BRINP3: variants seen among roughly 807,000 people sequenced by gnomAD.
BRINP3 encodes BMP/retinoic acid inducible neural specific 3, also known as BMP/retinoic acid-inducible neural-specific protein 3.
BRINP3 carries 19 observed loss-of-function variants against 71.0 expected under a neutral mutation model. The observed-to-expected ratio is 0.27, with a 90% CI of 0.19 to 0.39. The LOEUF (loss-of-function observed/expected upper bound fraction) is 0.39. Ranked by LOEUF, BRINP3 falls within the 10% of genes least tolerant of loss-of-function variation. BRINP3 has a pLI of 1.00. For synonymous variants in BRINP3, 380 were observed against 337.7 expected (o/e 1.13, Z -1.37); for missense variants, 959 against 940.8 (o/e 1.02, Z -0.25).
intron 2 of BRINP3, among the ~76,000 whole-genome samples, chr1:190,323,860 G>C (rs903116872): frequency 6.6e-6 from 1 of 151,836 alleles, no homozygotes; most frequent in African/African-American, 2.4e-5. Context: ...TAAAGTCTTA[G>C]TCTTTTATTT....
chr1:190,454,612 T>C, intron 2 of BRINP3, 43 bp downstream of exon 2: 1 of 1,538,514 alleles, frequency 6.5e-7, no homozygotes, highest in Non-Finnish European at 8.9e-7. Context: ...TACACAACCT[T>C]CAAGGATGAT....
Position 190,258,205 on chromosome 1 carries a change from C to A in BRINP3, c.618+6660G>T, listed in dbSNP as rs1328243678. On this transcript the variant is annotated intron_variant, in intron 4 of 7. Coordinates refer to ENST00000367462, the MANE Select transcript of BRINP3 (RefSeq NM_199051.3). ...GCCTCAGCAATGACGGACGCCCCTC[C>A]CCCTGCCAGGCTACTGCCTTGCAGG... Among the ~76,000 whole-genome samples, 7 of 152,292 alleles carry A rather than the reference C, an allele frequency of 4.6e-5. No individual in the cohort carries two copies. In the East Asian group the frequency reaches 1.2e-3, roughly 25 times the overall value.
chr1:190,223,285 T>G (rs1009524697), intron 6 of BRINP3, among the ~76,000 whole-genome samples: 1 of 151,874 alleles, frequency 6.6e-6, no homozygotes, highest in Non-Finnish European at 1.5e-5. Flanking sequence ...AACAAAACAC[T>G]AGCAAACCAA....
chr1:190,115,898 A>G (rs189745123), intron 7 of BRINP3, among the ~76,000 whole-genome samples: 12 of 152,288 alleles, frequency 7.9e-5, no homozygotes, highest in African/African-American at 2.4e-4. Context: ...AATGAAATTC[A>G]AAGTGTATAT....
chr1:190,380,609 T>C (rs1182998470), intron 2 of BRINP3, among the ~76,000 whole-genome samples: 1 of 152,126 alleles, frequency 6.6e-6, no homozygotes. Context: ...CAAGGAAACA[T>C]TGAAATGAAG....
At chr1:190,389,566 T>C (rs1671121568) in intron 2 of BRINP3, among the ~76,000 whole-genome samples, 1 of 151,808 alleles carries the variant, frequency 6.6e-6, no homozygotes, top group South Asian at 2.1e-4. Context: ...ATTTGGCCCG[T>C]AACATTGAAG....
In BRINP3 at chr1:190,209,112, G is replaced by A. The variant is rs183354179; in HGVS notation, c.961+16970C>T. Among the ~76,000 whole-genome samples the A allele has an allele frequency of 5.3e-5, 8 of 152,064 alleles. No homozygotes were observed. The East Asian group carries it at 1.2e-3, about 22-fold the overall frequency. ...AAACTTAAATTTTCATAATGTTACTGTTTTACTGAATAAATAAATTATAAT... is the reference window on the plus strand; with the variant it reads ...AAACTTAAATTTTCATAATGTTACTATTTTACTGAATAAATAAATTATAAT... On this transcript the variant is annotated intron_variant, in intron 6 of 7. Coordinates refer to ENST00000367462, the MANE Select transcript of BRINP3 (RefSeq NM_199051.3).
At chr1:190,108,766 T>C (rs767314100) in intron 7 of BRINP3, among the ~76,000 whole-genome samples, 11 of 151,544 alleles carry the variant, frequency 7.3e-5, no homozygotes, top group Non-Finnish European at 1.6e-4. Context: ...CTCACCTCAG[T>C]GACAAGACTT....
intron 2 of BRINP3, among the ~76,000 whole-genome samples, chr1:190,350,755 GCATT>G (rs1571829666): frequency 6.6e-6 from 1 of 151,346 alleles, no homozygotes; most frequent in African/African-American, 2.4e-5. Flanking sequence ...CCACCTGCCA[GCATT>G]CATTATGTTC....
In BRINP3 at chr1:190,098,794, C is replaced by G; in HGVS notation, c.1525G>C (p.Glu509Gln). Residue 509 changes from glutamate to glutamine, a missense_variant, in exon 8 of 8, where the codon GAA becomes CAA. Physicochemically the swap from Glu to Gln is conservative, Grantham distance 29. Transcript: ENST00000367462. ...TTGCTGATAAAAATGGCATGGACTT[C>G]TATTCGTCTGTCCGTTTTCTGCAGC... ...YLLQKTDRRIEVHAIFISNDM... is the reference protein window; with the variant it reads ...YLLQKTDRRIQVHAIFISNDM... The G allele has an allele frequency of 6.2e-7, 1 of 1,614,224 alleles. No individual in the cohort carries two copies. The highest frequency in any genetic ancestry group is 2.2e-5 in the East Asian group (1 of 44,874).
At chr1:190,184,033 T>C (rs754520472) in intron 6 of BRINP3, among the ~76,000 whole-genome samples, 1 of 152,078 alleles carries the variant, frequency 6.6e-6, no homozygotes, top group Non-Finnish European at 1.5e-5. Context: ...CTGGAGCATG[T>C]ACCATATATA....
intron 2 of BRINP3, among the ~76,000 whole-genome samples, chr1:190,347,119 A>C (rs2102021178): frequency 6.6e-6 from 1 of 152,190 alleles, no homozygotes; most frequent in African/African-American, 2.4e-5. Context: ...TATTTATCAA[A>C]GGCTTATAGA....
chr1:190,442,906 CTTT>C (rs757648847), intron 2 of BRINP3, among the ~76,000 whole-genome samples: 5 of 101,578 alleles, frequency 4.9e-5, no homozygotes, highest in African/African-American at 1.1e-4. Context: ...GTCTCTGTAT[CTTT>C]TTTTTTTTTT....
chr1:190,162,712 A>G (rs1651117306), intron 6 of BRINP3, among the ~76,000 whole-genome samples: 1 of 152,232 alleles, frequency 6.6e-6, no homozygotes, highest in African/African-American at 2.4e-5. Flanking sequence ...GAAGGGATTT[A>G]AATTCATAAA....
At chr1:190,254,846 G>T (rs921853466) in intron 4 of BRINP3, among the ~76,000 whole-genome samples, 29 of 152,228 alleles carry the variant, frequency 1.9e-4, no homozygotes, top group African/African-American at 6.5e-4. Flanking sequence ...TCTCTGTCTT[G>T]TGCCTGTTTT....
chr1:190,189,987 A>G (rs1653892938), intron 6 of BRINP3, among the ~76,000 whole-genome samples: 2 of 152,152 alleles, frequency 1.3e-5, no homozygotes, highest in Admixed American at 6.6e-5. Context: ...ATACATTACA[A>G]CAGTTGTGGC....
intron 2 of BRINP3, among the ~76,000 whole-genome samples, chr1:190,331,711 C>T (rs1163263482): frequency 6.6e-6 from 1 of 151,972 alleles, no homozygotes; most frequent in Non-Finnish European, 1.5e-5. Flanking sequence ...ACATAAATAC[C>T]ACTTAATGGA....
intron 2 of BRINP3, among the ~76,000 whole-genome samples, chr1:190,321,146 C>T (rs1485503114): frequency 6.6e-6 from 1 of 151,982 alleles, no homozygotes; most frequent in Non-Finnish European, 1.5e-5. Flanking sequence ...CACGACCCTA[C>T]CATCTAGTGG....
In BRINP3 at chr1:190,159,127, A is replaced by C. The variant is rs183046976; in HGVS notation, c.1184+1541T>G. Among the ~76,000 whole-genome samples, 9 of 152,256 alleles carry C rather than the reference A, an allele frequency of 5.9e-5. No individual in the cohort carries two copies. The East Asian group carries it at 1.7e-3, about 29-fold the overall frequency. ...TTCAAAGCACATGAAAAGATGTTCA[A>C]TATTGTTAGTCATTAGGGAAATTTA... On this transcript the variant is annotated intron_variant, in intron 7 of 7. Transcript: ENST00000367462.
Sources: allele counts gnomAD v4.1 joint callset (sites outside exome capture counted in the v4.1 genomes callset), GRCh38; gene constraint gnomAD v4.1.1; transcripts MANE v1.5; gene names NCBI Gene and HGNC (gene_info 2026-07-23, HGNC 2026-07-21).